Variants in DAB1 observed in about 807,000 individuals in gnomAD.
DAB1 encodes disabled homolog 1.
DAB1 carries 15 observed loss-of-function variants against 64.6 expected under a neutral mutation model. That is an observed-to-expected ratio of 0.23 (90% confidence interval 0.16 to 0.36). DAB1 has a LOEUF of 0.36. DAB1 is among the 10% of genes least tolerant of loss of function. The pLI is 1.00. For missense variants in DAB1, 596 were observed against 706.7 expected (o/e 0.84, Z 1.78); for synonymous variants, 235 against 251.9 (o/e 0.93, Z 0.64).
At chr1:57,112,245 C>T (rs1195508408) in intron 4 of DAB1, among the ~76,000 whole-genome samples, 1 of 152,194 alleles carries the variant, frequency 6.6e-6, no homozygotes, top group African/African-American at 2.4e-5. Flanking sequence ...GCCCTGTGTT[C>T]AGACTGACAG....
In DAB1 at chr1:58,176,481, T is replaced by C. The variant is rs369136291; in HGVS notation, n.310-25893A>G. On this transcript the variant is annotated intron_variant and non_coding_transcript_variant, in intron 4 of 20. Coordinates refer to the DAB1 transcript ENST00000485760. ...TAACAGAATACCTGGGACTGAGTAA[T>C]GTGTAATGAACGGAAATTCATTGGC... Among the ~76,000 whole-genome samples the C allele has an allele frequency of 1.4e-4, 22 of 152,274 alleles. No individual in the cohort carries two copies. In the South Asian group the frequency reaches 2.3e-3, roughly 16 times the overall value.
intron 5 of DAB1, chr1:58,048,545 TA>T: frequency 8.8e-7 from 1 of 1,142,546 alleles, no homozygotes; most frequent in Non-Finnish European, 1.3e-6. Context: ...ATAACCACCA[TA>T]ATTGCCAAAC....
intron 5 of DAB1, among the ~76,000 whole-genome samples, chr1:58,017,638 C>T (rs1463271689): frequency 2.0e-5 from 3 of 152,190 alleles, no homozygotes; most frequent in African/African-American, 7.2e-5. Context: ...TTGGCCCTGC[C>T]TCACCTTCAA....
At chr1:57,268,746 G>C (rs1269718387) in intron 2 of DAB1, among the ~76,000 whole-genome samples, 1 of 152,164 alleles carries the variant, frequency 6.6e-6, no homozygotes, top group African/African-American at 2.4e-5. Context: ...AGTGAATACA[G>C]AGGCTTCACA....
intron 3 of DAB1, among the ~76,000 whole-genome samples, chr1:58,416,832 C>G (rs1036347228): frequency 2.0e-5 from 3 of 152,038 alleles, no homozygotes; most frequent in East Asian, 3.9e-4. Context: ...TTCATGACCT[C>G]AAGAGTTTCT....
At chr1:57,221,573 C>T (rs1666875658) in intron 2 of DAB1, among the ~76,000 whole-genome samples, 1 of 152,236 alleles carries the variant, frequency 6.6e-6, no homozygotes, top group African/African-American at 2.4e-5. Flanking sequence ...CTGCCTAGCA[C>T]ATATGGGGCT....
chr1:57,974,289 A>C (rs1241903750), intron 5 of DAB1, among the ~76,000 whole-genome samples: 1 of 152,070 alleles, frequency 6.6e-6, no homozygotes, highest in Non-Finnish European at 1.5e-5. Context: ...TTTGTTTAAC[A>C]ATGAGTGCCA....
chr1:57,398,857 C>A (rs1683020878), intron 1 of DAB1, among the ~76,000 whole-genome samples: 1 of 152,194 alleles, frequency 6.6e-6, no homozygotes, highest in African/African-American at 2.4e-5. Context: ...ACAGGGTACC[C>A]AATTACATTT....
At chr1:58,492,672 TG>T (rs1284384770) in intron 3 of DAB1, among the ~76,000 whole-genome samples, 25 of 151,980 alleles carry the variant, frequency 1.6e-4, no homozygotes, top group African/African-American at 6.0e-4. Flanking sequence ...CTGGAAGAAA[TG>T]GATAAATTCC....
chr1:57,399,554 G>A (rs1481662313), intron 1 of DAB1, among the ~76,000 whole-genome samples: 3 of 152,216 alleles, frequency 2.0e-5, no homozygotes, highest in African/African-American at 4.8e-5. Context: ...GTAATCTGGA[G>A]AGTACATATG....
chr1:57,885,714 T>C (rs770546112), upstream of DAB1, among the ~76,000 whole-genome samples: 14 of 152,264 alleles, frequency 9.2e-5, no homozygotes, highest in Non-Finnish European at 7.4e-5. Context: ...AAATTGAAAG[T>C]ATGGTGTGGC....
At chr1:57,416,907 C>A (rs893119209) in intron 1 of DAB1, among the ~76,000 whole-genome samples, 1 of 152,080 alleles carries the variant, frequency 6.6e-6, no homozygotes, top group Admixed American at 6.6e-5. Flanking sequence ...AATACTATTT[C>A]TTTCTTATTA....
intron 1 of DAB1, among the ~76,000 whole-genome samples, chr1:57,872,378 G>A (rs1165458628): frequency 6.6e-6 from 1 of 152,166 alleles, no homozygotes; most frequent in Non-Finnish European, 1.5e-5. Flanking sequence ...AGGACACAGT[G>A]AGAGGTATAT....
chr1:57,846,312 G>T (rs527579238), intron 1 of DAB1, among the ~76,000 whole-genome samples: 1 of 152,116 alleles, frequency 6.6e-6, no homozygotes, highest in East Asian at 1.9e-4. Context: ...CAAAAAATTA[G>T]CTGAGCGTGG....
chr1:57,371,921 T>C (rs1297207729), intron 1 of DAB1, among the ~76,000 whole-genome samples: 2 of 152,190 alleles, frequency 1.3e-5, no homozygotes, highest in Non-Finnish European at 2.9e-5. Context: ...CATCCTACAA[T>C]GCATAGCAAA....
At chr1:57,070,780 C>G (rs769422727) in intron 7 of DAB1, 184 of 524,654 alleles carry the variant, frequency 3.5e-4, no homozygotes, top group Middle Eastern at 1.1e-3. Context: ...GTGAAGGGGG[C>G]CGAGGCAGAG....
chr1:57,077,715 T>C (rs541104320), intron 4 of DAB1, among the ~76,000 whole-genome samples: 258 of 152,222 alleles, frequency 1.7e-3, no homozygotes, highest in Non-Finnish European at 2.9e-3. Flanking sequence ...ATTTGTAGTA[T>C]GGTTCAATAC....
intron 7 of DAB1, among the ~76,000 whole-genome samples, chr1:57,515,082 A>T (rs1392551435): frequency 6.6e-6 from 1 of 152,154 alleles, no homozygotes; most frequent in African/African-American, 2.4e-5. Flanking sequence ...AAAACCACTC[A>T]ACCATGCTGC....
At chr1:57,245,898 T>A (rs1179118833) in intron 2 of DAB1, among the ~76,000 whole-genome samples, 2 of 152,104 alleles carry the variant, frequency 1.3e-5, no homozygotes, top group Non-Finnish European at 1.5e-5. Flanking sequence ...CACTCTCTGG[T>A]GGGAGAAATT....
Sources: gnomAD v4.1 joint callset for allele counts (sites outside exome capture counted in the v4.1 genomes callset) on GRCh38, gnomAD v4.1.1 for gene constraint, MANE v1.5 for transcripts, NCBI Gene and HGNC (gene_info 2026-07-23, HGNC 2026-07-21) for gene names.